The following SLC10A7 variants were observed in gnomAD, a reference collection of about 807,000 sequenced individuals.
SLC10A7 encodes the protein sodium/bile acid cotransporter 7.
A neutral mutation model predicts 43.2 loss-of-function variants in SLC10A7; 29 were observed. The ratio of observed to expected loss-of-function variants is 0.67; its 90% confidence interval spans 0.50 to 0.92. The LOEUF is 0.92. Ranked by LOEUF, SLC10A7 falls within the 40% of genes least tolerant of loss-of-function variation. The pLI, the probability that SLC10A7 is intolerant of heterozygous loss-of-function variation, is 0.00. For synonymous variants in SLC10A7, 152 were observed against 144.8 expected (o/e 1.05, Z -0.35); for missense variants, 295 against 403.2 (o/e 0.73, Z 2.30).
At chr4:146,357,787 G>A (rs1735759704) in intron 5 of SLC10A7, among the ~76,000 whole-genome samples, 1 of 152,124 alleles carries the variant, frequency 6.6e-6, no homozygotes, top group Admixed American at 6.5e-5. Flanking sequence ...CGGAAGTGAG[G>A]CATGATTCCC....
intron 7 of SLC10A7, among the ~76,000 whole-genome samples, chr4:146,299,018 A>G (rs1730976189): frequency 6.6e-6 from 1 of 152,244 alleles, no homozygotes; most frequent in Non-Finnish European, 1.5e-5. Context: ...TCAGAAATAT[A>G]AATCACAAGT....
At position 146,299,567 on chromosome 4, in the gene SLC10A7, G is replaced by A. The variant is rs140504674; in HGVS notation, c.556-5472C>T. 1.1e-4 allele frequency among the ~76,000 whole-genome samples: 16 copies of A among 152,216 alleles called. No homozygotes were observed. In the East Asian group the frequency reaches 1.9e-3, roughly 18 times the overall value. On this transcript the variant is annotated intron_variant, in intron 7 of 11. Coordinates refer to ENST00000335472, the MANE Select transcript of SLC10A7 (RefSeq NM_001029998.6). ...GCAAGGTGTTTCAGGCAGAAGGAAC[G>A]GCCAGTGCAAAGGTTCTAAGGCAGG...
At chr4:146,348,711 T>C (rs924728047) in intron 5 of SLC10A7, among the ~76,000 whole-genome samples, 5 of 152,214 alleles carry the variant, frequency 3.3e-5, no homozygotes, top group African/African-American at 1.2e-4. Flanking sequence ...CTTGAATGTA[T>C]ATCTTCATTG....
intron 10 of SLC10A7, among the ~76,000 whole-genome samples, chr4:146,282,620 A>G (rs1410900420): frequency 2.0e-5 from 3 of 152,210 alleles, no homozygotes; most frequent in African/African-American, 7.2e-5. Flanking sequence ...AGTAGAAAAT[A>G]GCACTTTTCT....
intron 4 of SLC10A7, among the ~76,000 whole-genome samples, chr4:146,481,636 T>C (rs565206228): frequency 2.0e-5 from 3 of 152,300 alleles, no homozygotes; most frequent in African/African-American, 7.2e-5. Flanking sequence ...GGCAGTACCA[T>C]AACTGCATCC....
chr4:146,430,924 A>C (rs1311200002), intron 5 of SLC10A7, among the ~76,000 whole-genome samples: 20 of 152,156 alleles, frequency 1.3e-4, no homozygotes, highest in Admixed American at 1.3e-3. Flanking sequence ...AAGGCTCTTA[A>C]GATTATGAAT....
chr4:146,328,333 G>A (rs937146973), intron 5 of SLC10A7, among the ~76,000 whole-genome samples: 2 of 152,124 alleles, frequency 1.3e-5, no homozygotes, highest in Non-Finnish European at 2.9e-5. Flanking sequence ...ATCACCACTG[G>A]TGCTTGTGTG....
chr4:146,404,478 G>A (rs201034136), intron 5 of SLC10A7, among the ~76,000 whole-genome samples: 1 of 34,720 alleles, frequency 2.9e-5, no homozygotes, highest in Non-Finnish European at 5.6e-5. Flanking sequence ...GCTCATTTAT[G>A]TGTGTGTGTG....
chr4:146,274,882 T>G (rs16998677), intron 10 of SLC10A7, among the ~76,000 whole-genome samples: 9,642 of 152,236 alleles, frequency 0.063, 425 homozygotes, highest in South Asian at 0.2. Flanking sequence ...TTGTGGCCAG[T>G]CTTAAGTAAG....
chr4:146,348,967 A>G (rs1734820668), intron 5 of SLC10A7, among the ~76,000 whole-genome samples: 1 of 152,230 alleles, frequency 6.6e-6, no homozygotes, highest in South Asian at 2.1e-4. Context: ...GAAACAGATG[A>G]GAACCAAATC....
rs112263577 is a variant in SLC10A7 at position 146,278,263 on chromosome 4, A to C, written c.847+4929T>G. 8.9e-3 allele frequency among the ~76,000 whole-genome samples: 1,362 copies of C among 152,288 alleles called. 24 individuals are homozygous for C. The highest frequency in any genetic ancestry group is 0.031 in the African/African-American group (1,277 of 41,570). ...AAGATTGTTTAGGTAACATTATATT[A>C]CAGGGTTAAGAGCTTTAATCTTTTA... On this transcript the variant is annotated intron_variant, in intron 10 of 11. Transcript: ENST00000335472.
At chr4:146,390,474 C>CA (rs1329147292) in intron 5 of SLC10A7, among the ~76,000 whole-genome samples, 3 of 151,908 alleles carry the variant, frequency 2.0e-5, no homozygotes, top group Non-Finnish European at 2.9e-5. Flanking sequence ...ACAAAAAATA[C>CA]AAAAAATTAG....
intron 2 of SLC10A7, chr4:146,514,978 C>T (rs1737812556): frequency 5.1e-6 from 3 of 588,874 alleles, no homozygotes; most frequent in South Asian, 4.2e-5. Flanking sequence ...CGATAAAGCA[C>T]GAGATCACGG....
intron 9 of SLC10A7, among the ~76,000 whole-genome samples, chr4:146,292,570 C>T (rs1475890419): frequency 2.0e-5 from 3 of 152,132 alleles, no homozygotes; most frequent in Non-Finnish European, 4.4e-5. Context: ...CTTGTTAAGA[C>T]AGTCAAGTAA....
At chr4:146,441,821 T>C in intron 5 of SLC10A7, 1 of 985,322 alleles carries the variant, frequency 1.0e-6, no homozygotes, top group Non-Finnish European at 1.2e-6. Flanking sequence ...CTAAAAGCTG[T>C]GTAGCACTAT....
At chr4:146,513,928 T>C (rs796527997) in intron 2 of SLC10A7, 1 of 152,238 alleles carries the variant, frequency 6.6e-6, no homozygotes, top group Admixed American at 6.5e-5. Context: ...TTTATTCATA[T>C]GTAATAAGGT....
At position 146,356,039 on chromosome 4, in the gene SLC10A7, TAAA is replaced by T. The variant is rs58931920; in HGVS notation, c.436-30046_436-30044del. ...ATGTACCCTAAAACTTAAAGTATAA[TAAA>T]AAAAAAAAAATATATATATATATAT... On this transcript the variant is annotated intron_variant, in intron 5 of 11. Transcript: ENST00000335472. Among the ~76,000 whole-genome samples, 395 of 139,802 alleles carry T rather than the reference TAAA, an allele frequency of 2.8e-3. 2 individuals are homozygous for T. The highest frequency in any genetic ancestry group is 7.3e-3 in the African/African-American group (277 of 37,878). 91.7% of individuals were successfully genotyped at this position (139,802 alleles called of 152,430 possible). A position where few individuals can be genotyped will look rare whatever the true frequency, so the allele number is the denominator to read the frequency against.
chr4:146,476,966 T>C (rs1734082819), intron 4 of SLC10A7, among the ~76,000 whole-genome samples: 1 of 151,998 alleles, frequency 6.6e-6, no homozygotes, highest in Non-Finnish European at 1.5e-5. Flanking sequence ...AAAAATACAG[T>C]TGTTTCTCCA....
chr4:146,441,931 A>T lies in SLC10A7; in HGVS notation c.435+852T>A, dbSNP rs1730633130. The T allele has an allele frequency of 3.1e-6, 3 of 981,392 alleles. No individual in the cohort carries two copies. In the African/African-American group the frequency reaches 5.2e-5, roughly 17 times the overall value. The allele number at this position is 981,392 out of a possible 1,614,324, so 60.8% of individuals were successfully genotyped here. On this transcript the variant is annotated intron_variant, in intron 5 of 11. Coordinates refer to ENST00000335472, the MANE Select transcript of SLC10A7 (RefSeq NM_001029998.6). ...AGCATTTTAAACAGAGGTAATTGAT[A>T]TTTTACCTAGACTCATGAACTAGTT...
Sources: allele counts gnomAD v4.1 joint callset (sites outside exome capture counted in the v4.1 genomes callset), GRCh38; gene constraint gnomAD v4.1.1; transcripts MANE v1.5; gene names NCBI Gene and HGNC (gene_info 2026-07-23, HGNC 2026-07-21).